Variants in ATP11A observed in about 807,000 individuals in gnomAD.
ATP11A encodes ATPase phospholipid transporting 11A, also known as phospholipid-transporting ATPase IH.
In ATP11A, 81 loss-of-function variants were observed where a neutral mutation model predicts 154.4. The ratio of observed to expected loss-of-function variants is 0.52; its 90% CI spans 0.44 to 0.63. ATP11A has a LOEUF of 0.63. ATP11A is among the 30% of genes least tolerant of loss of function. The probability of loss-of-function intolerance (pLI) is 0.00; values close to 1 mark genes in which losing one functional copy is unlikely to be tolerated. For missense variants in ATP11A, 1,316 were observed against 1,474.3 expected (o/e 0.89, Z 1.76); for synonymous variants, 623 against 585.9 (o/e 1.06, Z -0.91).
intron 1 of ATP11A, among the ~76,000 whole-genome samples, chr13:112,724,123 T>TCCCCCATCGCCCCCTTCA (rs1226377755): frequency 2.7e-5 from 1 of 36,804 alleles, no homozygotes; most frequent in Non-Finnish European, 4.9e-5. Flanking sequence ...CGCCCCCTTC[T>TCCCCCATCGCCCCCTTCA]CCCCCATCGC....
intron 12 of ATP11A, among the ~76,000 whole-genome samples, chr13:112,828,921 A>G (rs919721190): frequency 2.0e-5 from 3 of 152,210 alleles, no homozygotes; most frequent in Admixed American, 6.5e-5. Context: ...AGATTCACCC[A>G]CCAGTCAAGC....
In ATP11A at chr13:112,697,322, T is replaced by TTTCCGTG. The variant is rs1303796011; in HGVS notation, c.39+6872_39+6878dup. On this transcript the variant is annotated intron_variant, in intron 1 of 29. Coordinates refer to ENST00000375645, the MANE Select transcript of ATP11A (RefSeq NM_015205.3). The surrounding 1 kb of genome is among the most constrained non-coding windows in gnomAD (Gnocchi z 4.0). ...GCTACACGCCACCCAGCCGTGTTCA[T>TTTCCGTG]TTCCGTGTTCCAGTGTCACCCGTGT... Among the ~76,000 whole-genome samples the TTTCCGTG allele has an allele frequency of 6.6e-6, 1 of 152,172 alleles. No homozygotes were observed.
At chr13:112,828,118 G>GAAACACCCAGCAGTGTTGAGTGCGGGGGA (rs143513857) in intron 12 of ATP11A, among the ~76,000 whole-genome samples, 3 of 122,388 alleles carry the variant, frequency 2.5e-5, no homozygotes, top group Non-Finnish European at 5.1e-5. Context: ...TGAGTGGGGG[G>GAAACACCCAGCAGTGTTGAGTGCGGGGGA]AAGCGCCCAG....
intron 1 of ATP11A, among the ~76,000 whole-genome samples, chr13:112,702,709 A>G (rs556434056): frequency 7.1e-6 from 1 of 141,240 alleles, no homozygotes; most frequent in South Asian, 2.5e-4. Context: ...AGCGGTAACT[A>G]AACTTGTCTA....
chr13:112,791,175 G>A (rs1158351824), intron 2 of ATP11A, among the ~76,000 whole-genome samples: 2 of 152,226 alleles, frequency 1.3e-5, no homozygotes, highest in Non-Finnish European at 2.9e-5. Flanking sequence ...CTCAGCCTGC[G>A]CAGCCCAGAG....
intron 1 of ATP11A, among the ~76,000 whole-genome samples, chr13:112,702,512 C>T (rs928810068): frequency 6.6e-6 from 1 of 152,208 alleles, no homozygotes; most frequent in South Asian, 2.1e-4. Flanking sequence ...GGCCAGGCCT[C>T]GGGCCCGATG....
At chr13:112,846,400 T>C (rs190780247) in intron 17 of ATP11A, among the ~76,000 whole-genome samples, 1 of 152,256 alleles carries the variant, frequency 6.6e-6, no homozygotes, top group East Asian at 1.9e-4. Context: ...GCGTCTAACC[T>C]GTCAGCACCC....
chr13:112,868,724 G>A (rs933200225), intron 25 of ATP11A, among the ~76,000 whole-genome samples: 2 of 152,170 alleles, frequency 1.3e-5, no homozygotes, highest in South Asian at 2.1e-4. Context: ...TAAACTATCC[G>A]CACATGTTAG....
chr13:112,849,197 C>T (rs931778139), intron 17 of ATP11A, among the ~76,000 whole-genome samples: 11 of 152,150 alleles, frequency 7.2e-5, no homozygotes, highest in East Asian at 1.9e-4. Context: ...CCCACTTGGT[C>T]GTGGTGTATG....
intron 1 of ATP11A, among the ~76,000 whole-genome samples, chr13:112,749,712 T>A (rs571112932): frequency 1.5e-5 from 2 of 135,634 alleles, no homozygotes; most frequent in African/African-American, 5.6e-5. Flanking sequence ...CGGGGTTGAA[T>A]CCCCTTCAGC....
intron 25 of ATP11A, among the ~76,000 whole-genome samples, chr13:112,867,870 A>G (rs1211052110): frequency 1.3e-5 from 2 of 152,168 alleles, no homozygotes; most frequent in Non-Finnish European, 2.9e-5. Flanking sequence ...CTCCCTTCCA[A>G]CCAGGATACT....
At chr13:112,844,201 G>A (rs941451269) in intron 17 of ATP11A, among the ~76,000 whole-genome samples, 3 of 152,172 alleles carry the variant, frequency 2.0e-5, no homozygotes, top group African/African-American at 7.2e-5. Flanking sequence ...CCTCCATGGA[G>A]GGTCTTCATG....
At chr13:112,856,728 G>C (rs2079938738) in intron 20 of ATP11A, 1 of 152,250 alleles carries the variant, frequency 6.6e-6, no homozygotes, top group Admixed American at 6.5e-5. Context: ...TTCTGACTTT[G>C]TTATACCACA....
intron 1 of ATP11A, among the ~76,000 whole-genome samples, chr13:112,777,343 C>T (rs1343628421): frequency 1.3e-5 from 2 of 152,212 alleles, no homozygotes; most frequent in African/African-American, 2.4e-5. Context: ...GCGGGCAAAT[C>T]ACCTGAGGTC....
chr13:112,821,402 C>T (rs1321090597), intron 8 of ATP11A, among the ~76,000 whole-genome samples: 2 of 152,162 alleles, frequency 1.3e-5, no homozygotes, highest in Non-Finnish European at 2.9e-5. Context: ...CAGCCTCCAC[C>T]TCCCGGGTTC....
In ATP11A at chr13:112,878,309, G is replaced by C. The variant is rs201745020; in HGVS notation, c.*9+6G>C. 1.9e-6 allele frequency: 3 copies of C among 1,613,738 alleles called. No individual in the cohort carries two copies. Among genetic ancestry groups the C allele is most frequent in the African/African-American group, 2.7e-5 (2 of 75,058 alleles). ...TGAGTTTCTGATGGAACAAGGTGAT[G>C]CTCCTCTGCCTTCCACGCACCTGGG... On this transcript the variant is annotated splice_donor_region_variant and intron_variant, in intron 29 of 29. Coordinates refer to ENST00000375645, the MANE Select transcript of ATP11A (RefSeq NM_015205.3).
chr13:112,802,336 A>G (rs1279340969), intron 2 of ATP11A, among the ~76,000 whole-genome samples: 1 of 151,848 alleles, frequency 6.6e-6, no homozygotes, highest in Non-Finnish European at 1.5e-5. Context: ...ACAGAGCGAG[A>G]CTCCGTCTCA....
chr13:112,712,673 A>G (rs1257477123), intron 1 of ATP11A, among the ~76,000 whole-genome samples: 1 of 152,144 alleles, frequency 6.6e-6, no homozygotes, highest in East Asian at 1.9e-4. Context: ...CCCCACAGAG[A>G]CTGGAAACCT....
intron 1 of ATP11A, among the ~76,000 whole-genome samples, chr13:112,724,531 C>T (rs983492256): frequency 2.0e-5 from 3 of 152,032 alleles, no homozygotes; most frequent in East Asian, 3.9e-4. Flanking sequence ...AGCCAGGATT[C>T]GTGCATCCAG....
Sources: allele counts gnomAD v4.1 joint callset (sites outside exome capture counted in the v4.1 genomes callset), GRCh38; gene constraint gnomAD v4.1.1; non-coding constraint Gnocchi (gnomAD v3.1); transcripts MANE v1.5; gene names NCBI Gene and HGNC (gene_info 2026-07-23, HGNC 2026-07-21).